ASNS: variants seen among roughly 807,000 people sequenced by gnomAD.
ASNS encodes the protein asparagine synthetase (glutamine-hydrolyzing), also known as asparagine synthetase [glutamine-hydrolyzing].
A neutral mutation model predicts 62.6 loss-of-function variants in ASNS; 37 were observed. The ratio of observed to expected loss-of-function variants is 0.59; its 90% CI spans 0.45 to 0.78. The LOEUF is 0.78. Ranked by LOEUF, ASNS falls within the 30% of genes least tolerant of loss-of-function variation. ASNS has a pLI of 0.00. For missense variants in ASNS, 520 were observed against 682.4 expected (o/e 0.76, Z 2.65); for synonymous variants, 207 against 237.9 (o/e 0.87, Z 1.19).
the ASNS span, among the ~76,000 whole-genome samples, chr7:97,924,415 T>C: frequency 1.3e-5 from 2 of 152,218 alleles, no homozygotes; most frequent in African/African-American, 4.8e-5. Flanking sequence ...TGGGTGGCCA[T>C]GTCTTCATGT....
chr7:97,898,846 C>T, the ASNS span: 20 of 825,440 alleles, frequency 2.4e-5, no homozygotes. Context: ...AGTTTTTGTC[C>T]TGAACATCTT....
the ASNS span, among the ~76,000 whole-genome samples, chr7:97,909,294 CTTTTTTTTTT>C: frequency 2.8e-4 from 20 of 72,670 alleles, no homozygotes; most frequent in East Asian, 1.1e-3. Flanking sequence ...CTCACATACA[CTTTTTTTTTT>C]TTTTTTTTTT....
At chr7:97,864,124 TA>T (rs1562820147) in intron 4 of ASNS, 134 bp downstream of exon 4, 10 of 738,640 alleles carry the variant, frequency 1.4e-5, no homozygotes, top group Non-Finnish European at 2.2e-5. Flanking sequence ...TCTGTTTTTT[TA>T]AAAAAAGGTA....
At chr7:97,864,881 T>C (rs1414124568) in intron 3 of ASNS, among the ~76,000 whole-genome samples, 2 of 152,204 alleles carry the variant, frequency 1.3e-5, no homozygotes, top group African/African-American at 4.8e-5. Context: ...TTTTGTGTTT[T>C]GGACTTTGGA....
chr7:97,860,678 G>A (rs1049786170), intron 4 of ASNS, among the ~76,000 whole-genome samples: 2 of 152,308 alleles, frequency 1.3e-5, no homozygotes, highest in South Asian at 2.1e-4. Flanking sequence ...GCAAAAAGAG[G>A]CAGGGAGAGA....
At chr7:97,921,678 G>C in the ASNS span, among the ~76,000 whole-genome samples, 36 of 152,226 alleles carry the variant, frequency 2.4e-4, no homozygotes, top group Non-Finnish European at 4.8e-4. Flanking sequence ...GACAAAGCCA[G>C]AGCAGGGCTC....
chr7:97,923,939 T>C, the ASNS span, among the ~76,000 whole-genome samples: 3 of 152,154 alleles, frequency 2.0e-5, no homozygotes, highest in African/African-American at 4.8e-5. Context: ...CTCCTTCCTG[T>C]CCCTTGAGTT....
chr7:97,863,225 C>T (rs1016733954), intron 4 of ASNS: 7 of 152,154 alleles, frequency 4.6e-5, no homozygotes, highest in African/African-American at 1.7e-4. Context: ...AAATAATGTC[C>T]TAAATGTCCA....
chr7:97,858,403 C>A lies in ASNS; in HGVS notation c.778G>T (p.Gly260Cys), dbSNP rs753101864. The A allele has an allele frequency of 1.2e-6, 2 of 1,613,974 alleles. No homozygotes were observed. The highest frequency in any genetic ancestry group is 1.3e-5 in the African/African-American group (1 of 75,036). The change falls in exon 7 of 13, where the codon GGC (glycine) becomes TGC (cysteine). Residue 260 changes from glycine (G) to cysteine (C), a missense_variant and splice_region_variant. Gly to Cys is a radical substitution (Grantham distance 159). Coordinates refer to ENST00000394308, the MANE Select transcript of ASNS (RefSeq NM_001673.5). ...GCAGCAACCAAGCTGGAGTCCAAGCCCCCTACATGCAAAAGAGGAAGTGGA... is the reference window on the plus strand; with the variant it reads ...GCAGCAACCAAGCTGGAGTCCAAGCACCCTACATGCAAAAGAGGAAGTGGA... ...DRRIGCLLSG[G>C]LDSSLVAATL...
intron 9 of ASNS, 24 bp from the exon 10 acceptor site, chr7:97,854,704 A>C (rs1256050925): frequency 1.2e-6 from 2 of 1,613,922 alleles, no homozygotes; most frequent in South Asian, 2.2e-5. Flanking sequence ...AAAAACACCA[A>C]GAGTTTTGCT....
In ASNS at chr7:97,869,097, A is replaced by G. The variant is rs761985640; in HGVS notation, c.60T>C (p.Ser20=). The G allele has an allele frequency of 3.7e-6, 6 of 1,614,086 alleles. No homozygotes were observed. The highest frequency in any genetic ancestry group is 4.2e-6 in the Non-Finnish European group (5 of 1,180,042). ...GACCTCTGTGTGCAATCTTCATAGC[A>G]CTCAGACACTGAACAGAAAGGCAAT... ...SDDCLSVQCL[S]AMKIAHRGPD... The change falls in exon 3 of 13, where the codon AGT becomes AGC. Residue 20 remains serine (S), a synonymous_variant. Coordinates refer to ENST00000394308, the MANE Select transcript of ASNS (RefSeq NM_001673.5).
At chr7:97,870,739 G>T (rs1562824693) in intron 1 of ASNS, among the ~76,000 whole-genome samples, 1 of 152,196 alleles carries the variant, frequency 6.6e-6, no homozygotes, top group African/African-American at 2.4e-5. Flanking sequence ...GGTTAGGAAA[G>T]TGCTTTGAAA....
chr7:97,868,419 T>C lies in ASNS; in HGVS notation c.249+489A>G, dbSNP rs183028452. Among the ~76,000 whole-genome samples, 938 of 152,336 alleles carry C rather than the reference T, an allele frequency of 6.2e-3. 6 individuals are homozygous for C. Among genetic ancestry groups the C allele is most frequent in the Middle Eastern group, 0.027 (8 of 294 alleles). On this transcript the variant is annotated intron_variant, in intron 3 of 12. Coordinates refer to ENST00000394308, the MANE Select transcript of ASNS (RefSeq NM_001673.5). ...CTCTTAGGTTTAATAATGGCATTGA[T>C]GTTATGTAGAAGAATGTCCTTATTC... is the stretch of plus-strand genomic sequence containing the variant.
At chr7:97,907,781 A>AC in the ASNS span, among the ~76,000 whole-genome samples, 3 of 151,308 alleles carry the variant, frequency 2.0e-5, no homozygotes, top group Admixed American at 6.6e-5. Context: ...AAAAAAAAAA[A>AC]GCACAATGAA....
chr7:97,908,528 GTAGC>G, the ASNS span: 1 of 151,688 alleles, frequency 6.6e-6, no homozygotes, highest in African/African-American at 2.4e-5. Context: ...AGTCTCCCCC[GTAGC>G]TGGGATTACA....
the ASNS span, among the ~76,000 whole-genome samples, chr7:97,926,892 T>C: frequency 6.6e-6 from 1 of 152,028 alleles, no homozygotes; most frequent in African/African-American, 2.4e-5. Context: ...CTTAAGACTC[T>C]TGTGGGTCTG....
the ASNS span, among the ~76,000 whole-genome samples, chr7:97,901,144 C>G: frequency 6.6e-6 from 1 of 152,180 alleles, no homozygotes; most frequent in Admixed American, 6.5e-5. Flanking sequence ...CCAGCCAGAC[C>G]TTGGGCTCTT....
the ASNS span, among the ~76,000 whole-genome samples, chr7:97,924,918 C>T: frequency 6.6e-6 from 1 of 152,184 alleles, no homozygotes; most frequent in African/African-American, 2.4e-5. Context: ...AGGCGGATCA[C>T]CTTAGGTCAG....
At chr7:97,904,885 C>T in the ASNS span, among the ~76,000 whole-genome samples, 5 of 152,156 alleles carry the variant, frequency 3.3e-5, no homozygotes, top group East Asian at 1.9e-4. Flanking sequence ...GACCTATGAA[C>T]ATTTTATACA....
Sources: gnomAD v4.1 joint callset for allele counts (sites outside exome capture counted in the v4.1 genomes callset) on GRCh38, gnomAD v4.1.1 for gene constraint, MANE v1.5 for transcripts, NCBI Gene and HGNC (gene_info 2026-07-23, HGNC 2026-07-21) for gene names.